The following RPRD1A variants were observed in gnomAD, a reference collection of about 807,000 sequenced individuals.
RPRD1A encodes regulation of nuclear pre-mRNA domain-containing protein 1A.
A neutral mutation model predicts 37.8 loss-of-function variants in RPRD1A; 9 were observed. The ratio of observed to expected loss-of-function variants is 0.24; its 90% CI spans 0.14 to 0.42. The LOEUF (loss-of-function observed/expected upper bound fraction) is 0.42. RPRD1A is among the 10% of genes least tolerant of loss of function. The probability of loss-of-function intolerance (pLI) is 1.00; values close to 1 mark genes in which losing one functional copy is unlikely to be tolerated. For missense variants in RPRD1A, 255 were observed against 371.0 expected (o/e 0.69, Z 2.57); for synonymous variants, 138 against 139.7 (o/e 0.99, Z 0.08).
At chr18:36,065,501 G>A (rs901255301) in intron 1 of RPRD1A, among the ~76,000 whole-genome samples, 10 of 152,092 alleles carry the variant, frequency 6.6e-5, no homozygotes, top group African/African-American at 2.4e-4. Flanking sequence ...TCACTATGTT[G>A]CACAGGCAGG....
chr18:36,049,722 CTT>C (rs1913234547), intron 1 of RPRD1A, among the ~76,000 whole-genome samples: 1 of 152,092 alleles, frequency 6.6e-6, no homozygotes, highest in South Asian at 2.1e-4. Flanking sequence ...TTGTTGGACA[CTT>C]GGGTTGCTTT....
intron 6 of RPRD1A, among the ~76,000 whole-genome samples, chr18:36,022,395 G>T (rs979974947): frequency 6.6e-6 from 1 of 152,224 alleles, no homozygotes; most frequent in African/African-American, 2.4e-5. Flanking sequence ...GGTACTGGAA[G>T]AAGATGCCAC....
rs762553843 is a variant in RPRD1A at position 35,993,188 on chromosome 18, T to G, written c.902A>C (p.His301Pro). The change falls in exon 7 of 7, where the codon CAC becomes CCC. Residue 301 changes from histidine to proline, a missense_variant. His to Pro is a moderately conservative substitution (Grantham distance 77). Coordinates refer to ENST00000399022, the MANE Select transcript of RPRD1A (RefSeq NM_018170.5). ...RLPNVTGSHM[H>P]LPFAGDIYSE... is the part of the protein sequence containing the mutation. ...GTAGATGTCTCCCGCAAAGGGCAGG[T>G]GCATGTGGCTGCCAGTGACATTGGG... 6.2e-7 allele frequency: 1 copy of G among 1,614,144 alleles called. No homozygotes were observed. Among genetic ancestry groups the G allele is most frequent in the Non-Finnish European group, 8.5e-7 (1 of 1,180,012 alleles).
At chr18:36,003,095 C>G (rs1224788368) in intron 6 of RPRD1A, among the ~76,000 whole-genome samples, 3 of 152,172 alleles carry the variant, frequency 2.0e-5, no homozygotes, top group Non-Finnish European at 4.4e-5. Flanking sequence ...TCTGATCTCC[C>G]CAGTTCCCTC....
rs746008904 is a variant in RPRD1A at position 36,033,696 on chromosome 18, CTA to C, written c.281+10_281+11del. The C allele has an allele frequency of 1.2e-6, 2 of 1,602,180 alleles. No individual in the cohort carries two copies. The highest frequency in any genetic ancestry group is 3.5e-5 in the Admixed American group (2 of 57,528). ...AAAACAGATTACCTAATACCCAAAA[CTA>C]TGATCATACCTTGAAACATGCTTAA... is the stretch of plus-strand genomic sequence containing the variant. On this transcript the variant is annotated intron_variant, in intron 2 of 6. Coordinates refer to ENST00000399022, the MANE Select transcript of RPRD1A (RefSeq NM_018170.5).
intron 6 of RPRD1A, among the ~76,000 whole-genome samples, chr18:36,021,680 G>A (rs1911004296): frequency 6.6e-6 from 1 of 152,178 alleles, no homozygotes; most frequent in African/African-American, 2.4e-5. Context: ...TGAATGCAAA[G>A]GCAAAGTTCT....
At chr18:36,015,276 G>C (rs1308841236) in intron 6 of RPRD1A, among the ~76,000 whole-genome samples, 2 of 149,164 alleles carry the variant, frequency 1.3e-5, no homozygotes, top group Non-Finnish European at 3.0e-5. Flanking sequence ...GCAGTGGCGT[G>C]ATCTCCGCTC....
intron 1 of RPRD1A, 83 bp from the exon 2 acceptor site, chr18:36,033,920 G>C: frequency 8.3e-7 from 1 of 1,210,640 alleles, no homozygotes; most frequent in Non-Finnish European, 1.2e-6. Context: ...TAAGCATTTT[G>C]AGAACTAAAA....
chr18:36,055,047 C>A (rs948065210), intron 1 of RPRD1A, among the ~76,000 whole-genome samples: 7 of 152,214 alleles, frequency 4.6e-5, no homozygotes, highest in Non-Finnish European at 2.9e-5. Context: ...CCTCCACACA[C>A]ATATCCAGAA....
chr18:36,039,910 G>A (rs1912464792), intron 1 of RPRD1A, among the ~76,000 whole-genome samples: 1 of 151,848 alleles, frequency 6.6e-6, no homozygotes, highest in Admixed American at 6.6e-5. Context: ...ATATGCACAT[G>A]TACATATACA....
chr18:36,007,655 T>C (rs941341848), intron 6 of RPRD1A, among the ~76,000 whole-genome samples: 1 of 152,038 alleles, frequency 6.6e-6, no homozygotes, highest in Non-Finnish European at 1.5e-5. Context: ...AAAACTAAAT[T>C]CTGGCCGGGC....
intron 1 of RPRD1A, among the ~76,000 whole-genome samples, chr18:36,056,773 C>T (rs1489027274): frequency 2.6e-5 from 4 of 151,846 alleles, no homozygotes; most frequent in African/African-American, 9.7e-5. Flanking sequence ...TGAACAGGCA[C>T]CTTAGAACAG....
intron 1 of RPRD1A, 73 bp from the exon 2 acceptor site, chr18:36,033,910 T>C: frequency 7.6e-7 from 1 of 1,321,156 alleles, no homozygotes; most frequent in South Asian, 1.4e-5. Flanking sequence ...ATACCTAAAT[T>C]AAGCATTTTG....
intron 1 of RPRD1A, among the ~76,000 whole-genome samples, chr18:36,051,254 G>C (rs926990536): frequency 6.6e-6 from 1 of 152,178 alleles, no homozygotes; most frequent in African/African-American, 2.4e-5. Flanking sequence ...AAAAGCCTAA[G>C]TAGTAGTATC....
At chr18:35,994,654 G>A (rs1000927136) in intron 6 of RPRD1A, among the ~76,000 whole-genome samples, 6 of 152,148 alleles carry the variant, frequency 3.9e-5, no homozygotes, top group Admixed American at 3.9e-4. Flanking sequence ...GGGATTTCTA[G>A]TAGGCACTTG....
chr18:36,051,701 T>A (rs1034572259), intron 1 of RPRD1A, among the ~76,000 whole-genome samples: 1 of 151,846 alleles, frequency 6.6e-6, no homozygotes, highest in African/African-American at 2.4e-5. Flanking sequence ...TATAGATAAA[T>A]GCTATAATAA....
At chr18:36,058,921 A>C (rs1195629655) in intron 1 of RPRD1A, among the ~76,000 whole-genome samples, 1 of 152,238 alleles carries the variant, frequency 6.6e-6, no homozygotes, top group East Asian at 1.9e-4. Flanking sequence ...GCAGGCTTCT[A>C]TTAAGAGAGA....
At chr18:36,007,086 T>G (rs905021667) in intron 6 of RPRD1A, among the ~76,000 whole-genome samples, 24 of 152,228 alleles carry the variant, frequency 1.6e-4, no homozygotes, top group Non-Finnish European at 3.4e-4. Flanking sequence ...TGTGTTTTAC[T>G]CTCAAAGGAA....
Position 35,991,293 on chromosome 18 carries a change from C to T in RPRD1A, c.*1858G>A, listed in dbSNP as rs986578685. On this transcript the variant is annotated 3_prime_UTR_variant, in exon 7 of 7. Transcript: ENST00000399022. ...AATAAAAACTAACTTACTTAGTATA[C>T]TTTCATAACATGTACAACCAGGTTT... 3.3e-5 allele frequency: 5 copies of T among 152,158 alleles called. No homozygotes were observed. The highest frequency in any genetic ancestry group is 1.2e-4 in the African/African-American group (5 of 41,412). 9.4% of individuals were successfully genotyped at this position (152,158 alleles called of 1,614,324 possible). A position where few individuals can be genotyped will look rare whatever the true frequency, so the allele number is the denominator to read the frequency against.
Sources: allele counts gnomAD v4.1 joint callset (sites outside exome capture counted in the v4.1 genomes callset), GRCh38; gene constraint gnomAD v4.1.1; transcripts MANE v1.5; gene names NCBI Gene and HGNC (gene_info 2026-07-23, HGNC 2026-07-21).